The following MACF1 variants were observed in gnomAD, a reference collection of about 807,000 sequenced individuals.
MACF1 encodes microtubule actin crosslinking factor 1, also known as microtubule-actin cross-linking factor 1.
In MACF1, 193 loss-of-function variants were observed where a neutral mutation model predicts 854.8. That is an observed-to-expected ratio of 0.23 (90% CI 0.20 to 0.25). The LOEUF (loss-of-function observed/expected upper bound fraction) is 0.25, where lower values mean the gene tolerates loss of function less well. Among genes scored for constraint, MACF1 ranks in the 10% least tolerant of loss-of-function variants. The pLI is 1.00. For missense variants in MACF1, 7,722 were observed against 8,929.1 expected, an observed-to-expected ratio of 0.86 and a Z score of 5.45; for synonymous variants, 3,185 against 3,226.7, an observed-to-expected ratio of 0.99 and a Z score of 0.44.
chr1:39,216,273 T>C (rs1254604731), intron 1 of MACF1, among the ~76,000 whole-genome samples: 1 of 152,220 alleles, frequency 6.6e-6, no homozygotes, highest in Non-Finnish European at 1.5e-5. Flanking sequence ...GAATTGTTAT[T>C]ATATGGTAGT....
In MACF1 at chr1:39,086,620, T is replaced by C. The variant is rs142793756; in HGVS notation, c.220+2182T>C. ...CTCTGCCTCCATCCTTCATCACTCA[T>C]GCATACTTAGATCGTTTTGTGATGA... On this transcript the variant is annotated intron_variant, in intron 2 of 93. Coordinates refer to the MACF1 transcript ENST00000361689. Among the ~76,000 whole-genome samples the C allele has an allele frequency of 1.4e-3, 218 of 152,334 alleles. 1 individual carries two copies. Among genetic ancestry groups the C allele is most frequent in the African/African-American group, 5.2e-3 (215 of 41,572 alleles).
At chr1:39,309,468 T>A in intron 23 of MACF1, 102 bp from the exon 24 acceptor site, 3 of 1,382,776 alleles carry the variant, frequency 2.2e-6, no homozygotes, top group Non-Finnish European at 2.0e-6. Flanking sequence ...GCTCAACATA[T>A]AAGCTCAATT....
chr1:39,113,316 A>G (rs1211796612), intron 2 of MACF1, among the ~76,000 whole-genome samples: 1 of 152,204 alleles, frequency 6.6e-6, no homozygotes, highest in Non-Finnish European at 1.5e-5. Flanking sequence ...AAGCACAGAA[A>G]AAAAAATCAC....
chr1:39,121,242 C>G (rs1336918495), intron 2 of MACF1, among the ~76,000 whole-genome samples: 2 of 152,130 alleles, frequency 1.3e-5, no homozygotes, highest in Non-Finnish European at 2.9e-5. Context: ...CAAGCTAACG[C>G]CATATCTCCT....
At chr1:39,412,992 C>T (rs1557639852) in intron 58 of MACF1, 1 of 1,584,718 alleles carries the variant, frequency 6.3e-7, no homozygotes, top group Non-Finnish European at 8.6e-7. Flanking sequence ...GGGCTACTGT[C>T]CCAGCTGTTA....
intron 72 of MACF1, among the ~76,000 whole-genome samples, chr1:39,440,453 T>C (rs1412291418): frequency 1.3e-5 from 2 of 152,152 alleles, no homozygotes; most frequent in African/African-American, 4.8e-5. Context: ...ATATTGTCCA[T>C]TTAGCATAAG....
At chr1:39,109,332 C>G (rs574474286) in intron 2 of MACF1, among the ~76,000 whole-genome samples, 2 of 152,296 alleles carry the variant, frequency 1.3e-5, no homozygotes, top group Admixed American at 6.5e-5. Flanking sequence ...TGCAGTGGCA[C>G]GATCTCACCT....
chr1:39,452,790 A>G lies in MACF1; in HGVS notation c.20720A>G (p.Gln6907Arg). 3 of 1,614,166 alleles carry G rather than the reference A, an allele frequency of 1.9e-6. No homozygotes were observed. The highest frequency in any genetic ancestry group is 2.5e-6 in the Non-Finnish European group (3 of 1,180,012). ...GALPDDTEALQSLIDTHKEFM... is the reference protein window; with the variant it reads ...GALPDDTEALRSLIDTHKEFM... ...CTTCCTGATGACACAGAGGCCCTGC[A>G]GTCTCTCATTGACACCCATAAGGTA... is the stretch of plus-strand genomic sequence containing the variant. The change falls in exon 87 of 101, where the codon CAG becomes CGG. Residue 6907 changes from glutamine (Q) to arginine (R), a missense_variant. Transcript: ENST00000564288.
rs1292577236 is a variant in MACF1, at chr1:39,283,329, AAGG to A, written c.808+30_808+32del. On this transcript the variant is annotated intron_variant, in intron 8 of 100. Coordinates refer to ENST00000564288, the MANE Select transcript of MACF1 (RefSeq NM_001394062.1). This position sits in a 1 kb window ranked among gnomAD's most constrained non-coding sequence, Gnocchi z 4.5. ...GAGAGGGAGTTTACTGAACTTGAGT[AAGG>A]AACACGTATTCAGTATTCCTTCTTC... 35 of 1,587,322 alleles carry A rather than the reference AAGG, an allele frequency of 2.2e-5. No homozygotes were observed. The highest frequency in any genetic ancestry group is 2.8e-5 in the Non-Finnish European group (32 of 1,155,764).
intron 2 of MACF1, among the ~76,000 whole-genome samples, chr1:39,141,454 T>C (rs947875458): frequency 2.0e-5 from 3 of 152,236 alleles, no homozygotes; most frequent in African/African-American, 7.2e-5. Context: ...CTGCTGAGGT[T>C]TGAATCTCAG....
At chr1:39,328,205 CA>C (rs1646652690) in intron 36 of MACF1, among the ~76,000 whole-genome samples, 2 of 152,264 alleles carry the variant, frequency 1.3e-5, no homozygotes, top group South Asian at 4.1e-4. Context: ...AAGACAAAAC[CA>C]GCTATGATTT....
chr1:39,091,092 A>G (rs1015392777), intron 2 of MACF1, among the ~76,000 whole-genome samples: 2 of 152,182 alleles, frequency 1.3e-5, no homozygotes, highest in Non-Finnish European at 1.5e-5. Context: ...TGAAGCCCCT[A>G]TAACTTGAAG....
At chr1:39,135,782 C>T (rs1448086403) in intron 2 of MACF1, among the ~76,000 whole-genome samples, 1 of 152,160 alleles carries the variant, frequency 6.6e-6, no homozygotes, top group Non-Finnish European at 1.5e-5. Context: ...TAATTTTTCT[C>T]AGTGATAAAC....
At chr1:39,091,569 T>TA (rs1641804267) in intron 2 of MACF1, among the ~76,000 whole-genome samples, 1 of 152,062 alleles carries the variant, frequency 6.6e-6, no homozygotes, top group South Asian at 2.1e-4. Flanking sequence ...GATCTCGGCT[T>TA]ACTGCAGCCT....
At position 39,477,071 on chromosome 1, in the gene MACF1, A is replaced by ACACACACACATATATACACTTAGTG. The variant is rs1469765880; in HGVS notation, c.21959-2727_21959-2726insCACACACACATATATACACTTAGTG. Among the ~76,000 whole-genome samples the ACACACACACATATATACACTTAGTG allele has an allele frequency of 5.8e-3, 97 of 16,804 alleles. 6 individuals carry two copies. Among genetic ancestry groups the ACACACACACATATATACACTTAGTG allele is most frequent in the Admixed American group, 9.6e-3 (14 of 1,460 alleles). 11.0% of individuals were successfully genotyped at this position (16,804 alleles called of 152,430 possible). A position where few individuals can be genotyped will look rare whatever the true frequency, so the allele number is the denominator to read the frequency against. On this transcript the variant is annotated intron_variant, in intron 97 of 100. Transcript: ENST00000564288. ...TATATATATATATATATATATATAT[A>ACACACACACATATATACACTTAGTG]TATATATATATATATATATACACAC...
chr1:39,481,404 G>T (rs983807929), intron 99 of MACF1, among the ~76,000 whole-genome samples: 2 of 152,152 alleles, frequency 1.3e-5, no homozygotes, highest in African/African-American at 2.4e-5. Context: ...CAACTATGGC[G>T]CATGTTCTAC....
At chr1:39,418,917 A>G (rs1643429634) in intron 58 of MACF1, among the ~76,000 whole-genome samples, 1 of 152,014 alleles carries the variant, frequency 6.6e-6, no homozygotes. Context: ...GTTCTTTGGG[A>G]AATTTTCTAT....
Position 39,361,639 on chromosome 1 carries a change from C to T in MACF1, c.12733C>T (p.Pro4245Ser), listed in dbSNP as rs1648192472. The part of the protein sequence containing the change: ...KSRMLASGNQ[P>S]DQDITHFFQQ... ...TCGGATGCTGGCCTCTGGAAATCAG[C>T]CAGATCAAGATATTACACATTTCTT... Residue 4245 changes from proline (P) to serine (S), a missense_variant, in exon 49 of 101, where the codon CCA becomes TCA. Around this residue, in one of 15 missense-constraint regions of MACF1, gnomAD observed 2,807 missense variants for 3,235.8 expected, o/e 0.87. Transcript: ENST00000564288. The T allele has an allele frequency of 1.2e-6, 2 of 1,614,094 alleles. No individual in the cohort carries two copies. The highest frequency in any genetic ancestry group is 1.7e-6 in the Non-Finnish European group (2 of 1,180,018).
intron 20 of MACF1, among the ~76,000 whole-genome samples, chr1:39,296,809 A>AG (rs1449870517): frequency 8.3e-6 from 1 of 121,134 alleles, no homozygotes; most frequent in Admixed American, 7.6e-5. Flanking sequence ...AGGAAAAGAA[A>AG]GAAAGGAAGG....
Sources: allele counts gnomAD v4.1 joint callset (sites outside exome capture counted in the v4.1 genomes callset), GRCh38; gene constraint gnomAD v4.1.1; regional missense constraint gnomAD v4.1.1; non-coding constraint Gnocchi (gnomAD v3.1); transcripts MANE v1.5; gene names NCBI Gene and HGNC (gene_info 2026-07-23, HGNC 2026-07-21).